CCDC171: variants seen among roughly 807,000 people sequenced by gnomAD.
The protein encoded by CCDC171 is coiled-coil domain-containing protein 171.
CCDC171 carries 177 observed loss-of-function variants against 168.2 expected under a neutral mutation model. That is an observed-to-expected ratio of 1.05 (90% CI 0.93 to 1.19). CCDC171 has a LOEUF of 1.19. CCDC171 is among the 50% of genes most tolerant of loss of function. The pLI is 0.00. For missense variants in CCDC171, 1,991 were observed against 1,539.0 expected (o/e 1.29, Z -4.91); for synonymous variants, 687 against 540.8 (o/e 1.27, Z -3.75).
intron 23 of CCDC171, among the ~76,000 whole-genome samples, chr9:15,867,809 A>G (rs1019963904): frequency 2.0e-5 from 3 of 152,100 alleles, no homozygotes; most frequent in African/African-American, 7.2e-5. Flanking sequence ...ATGAAAATAT[A>G]TCTGTGTGGA....
intron 24 of CCDC171, among the ~76,000 whole-genome samples, chr9:15,915,339 G>T (rs2987060): frequency 6.6e-6 from 1 of 151,592 alleles, no homozygotes; most frequent in Non-Finnish European, 1.5e-5. Flanking sequence ...AGATCTTTCC[G>T]TCTTTGGTTA....
At chr9:15,691,547 T>TATAG (rs1491565951) in intron 10 of CCDC171, among the ~76,000 whole-genome samples, 4 of 92,040 alleles carry the variant, frequency 4.3e-5, no homozygotes, top group Admixed American at 1.2e-4. Context: ...ATATGTTTTT[T>TATAG]ATATATATAT....
At chr9:15,812,324 T>C (rs2059391878) in intron 21 of CCDC171, among the ~76,000 whole-genome samples, 1 of 152,048 alleles carries the variant, frequency 6.6e-6, no homozygotes, top group South Asian at 2.1e-4. Flanking sequence ...TACACATAGG[T>C]ATATAGAAAC....
upstream of CCDC171, among the ~76,000 whole-genome samples, chr9:16,038,624 A>G (rs150669231): frequency 2.3e-3 from 355 of 152,238 alleles, 2 homozygotes; most frequent in African/African-American, 8.0e-3. Context: ...ATCAGAATCA[A>G]TCCCACTAAA....
intron 5 of CCDC171, among the ~76,000 whole-genome samples, chr9:15,593,073 C>T (rs771975819): frequency 1.8e-4 from 28 of 151,814 alleles, no homozygotes; most frequent in Non-Finnish European, 4.0e-4. Flanking sequence ...CTTCACTAAT[C>T]TGCACAGAGA....
At chr9:15,824,183 T>C (rs1043690385) in intron 21 of CCDC171, among the ~76,000 whole-genome samples, 32 of 152,082 alleles carry the variant, frequency 2.1e-4, no homozygotes, top group African/African-American at 7.7e-4. Context: ...TCTATGTTTA[T>C]CTGTATAGAC....
intron 24 of CCDC171, chr9:15,886,410 A>G (rs566325594): frequency 1.2e-4 from 19 of 152,296 alleles, no homozygotes; most frequent in African/African-American, 4.1e-4. Flanking sequence ...CAAAACCACA[A>G]TGAGATATCA....
intron 1 of CCDC171, among the ~76,000 whole-genome samples, chr9:16,047,378 T>C (rs1164684448): frequency 1.3e-5 from 2 of 152,144 alleles, no homozygotes; most frequent in African/African-American, 4.8e-5. Flanking sequence ...CACCCCTGCC[T>C]AATAAGCCTC....
intron 9 of CCDC171, among the ~76,000 whole-genome samples, chr9:15,666,898 C>G (rs1209599659): frequency 6.6e-6 from 1 of 152,170 alleles, no homozygotes; most frequent in Non-Finnish European, 1.5e-5. Flanking sequence ...AACACTACTA[C>G]TAATAGTGGC....
intron 3 of CCDC171, chr9:16,020,515 T>G (rs1833134494): frequency 6.5e-6 from 1 of 154,426 alleles, no homozygotes; most frequent in South Asian, 2.0e-4. Context: ...CTTTCCTTAT[T>G]AAGTGGAAAG....
intron 18 of CCDC171, among the ~76,000 whole-genome samples, chr9:15,749,269 T>A (rs1200256995): frequency 1.3e-5 from 2 of 152,090 alleles, no homozygotes; most frequent in Non-Finnish European, 1.5e-5. Context: ...CAAGAAGAGC[T>A]AACTATCCTA....
chr9:15,997,026 C>T (rs950745455), intron 3 of CCDC171, among the ~76,000 whole-genome samples: 9 of 152,078 alleles, frequency 5.9e-5, no homozygotes, highest in Non-Finnish European at 1.0e-4. Flanking sequence ...TTGGGAAAGA[C>T]ACTAAAACAG....
exon 2 of CCDC171, chr9:16,060,820 A>G (rs2133086355): frequency 6.6e-6 from 1 of 152,384 alleles, no homozygotes; most frequent in African/African-American, 2.4e-5. Flanking sequence ...AATATGAATT[A>G]ATAACACAGA....
At chr9:15,651,262 C>A (rs781437435) in intron 7 of CCDC171, among the ~76,000 whole-genome samples, 1 of 152,038 alleles carries the variant, frequency 6.6e-6, no homozygotes, top group Non-Finnish European at 1.5e-5. Context: ...GTGCCCGCTA[C>A]GACACCTAGC....
intron 21 of CCDC171, among the ~76,000 whole-genome samples, chr9:15,799,511 T>C (rs1394651913): frequency 6.6e-6 from 1 of 151,976 alleles, no homozygotes; most frequent in Non-Finnish European, 1.5e-5. Context: ...TATGTGTATA[T>C]ATTTATGGGG....
chr9:15,564,180 A>C, intron 2 of CCDC171, 51 bp downstream of exon 2: 1 of 1,388,768 alleles, frequency 7.2e-7, no homozygotes, highest in Non-Finnish European at 1.0e-6. Context: ...AGTTGCAAGG[A>C]ACAGGGAGAA....
intron 18 of CCDC171, among the ~76,000 whole-genome samples, chr9:15,765,321 T>C (rs553546713): frequency 6.6e-6 from 1 of 152,068 alleles, no homozygotes; most frequent in Non-Finnish European, 1.5e-5. Context: ...TGAGGGGTAA[T>C]TCAATGTGTT....
intron 18 of CCDC171, among the ~76,000 whole-genome samples, chr9:15,762,115 G>A (rs2056476619): frequency 6.9e-6 from 1 of 144,674 alleles, no homozygotes; most frequent in Admixed American, 6.9e-5. Context: ...ACATTTTGTA[G>A]TTTATGGGTA....
At chr9:15,858,612 G>C (rs542373351) in intron 23 of CCDC171, among the ~76,000 whole-genome samples, 1 of 151,944 alleles carries the variant, frequency 6.6e-6, no homozygotes, top group East Asian at 1.9e-4. Context: ...ATACTTTTTA[G>C]TGTACAAGTC....
Sources: gnomAD v4.1 joint callset for allele counts (sites outside exome capture counted in the v4.1 genomes callset) on GRCh38, gnomAD v4.1.1 for gene constraint, MANE v1.5 for transcripts, NCBI Gene and HGNC (gene_info 2026-07-23, HGNC 2026-07-21) for gene names.